The following ASTN2 variants were observed in gnomAD, a reference collection of about 807,000 sequenced individuals.
The protein encoded by ASTN2 is astrotactin-2.
Under a neutral mutation model 139.8 loss-of-function variants are expected in ASTN2, and 54 were observed. The ratio of observed to expected loss-of-function variants is 0.39; its 90% CI spans 0.31 to 0.48. The LOEUF (loss-of-function observed/expected upper bound fraction) is 0.48. Among genes scored for constraint, ASTN2 ranks in the 20% least tolerant of loss-of-function variants. The probability of loss-of-function intolerance (pLI) is 0.95; values close to 1 mark genes in which losing one functional copy is unlikely to be tolerated. For synonymous variants in ASTN2, 756 were observed against 719.5 expected, an observed-to-expected ratio of 1.05 and a Z score of -0.81; for missense variants, 1,565 against 1,725.1, an observed-to-expected ratio of 0.91 and a Z score of 1.64.
rs1451623638 is a variant in ASTN2 at position 116,889,651 on chromosome 9, C to CGAGGCAGAAGGATCACTT, written c.1890-25936_1890-25919dup. Among the ~76,000 whole-genome samples, 27 of 150,870 alleles carry CGAGGCAGAAGGATCACTT rather than the reference C, an allele frequency of 1.8e-4. No individual in the cohort carries two copies. In the East Asian group the frequency reaches 4.7e-3, roughly 26 times the overall value. On this transcript the variant is annotated intron_variant, in intron 10 of 22. Transcript: ENST00000313400. ...CTGTAATCCTAGCACTTTGTGAGGC[C>CGAGGCAGAAGGATCACTT]GAGGCAGAAGGATCACTTGAGCCAA...
intron 19 of ASTN2, among the ~76,000 whole-genome samples, chr9:116,575,691 G>A (rs1380357178): frequency 6.6e-6 from 1 of 152,038 alleles, no homozygotes; most frequent in Non-Finnish European, 1.5e-5. Context: ...AAGTTCAGGG[G>A]GTGCTGACTA....
chr9:117,290,867 C>A (rs1478336864), intron 2 of ASTN2, among the ~76,000 whole-genome samples: 1 of 152,172 alleles, frequency 6.6e-6, no homozygotes, highest in African/African-American at 2.4e-5. Context: ...ACAAGGGCCA[C>A]CATGCAGTTG....
At chr9:116,836,575 T>TGTTTC (rs1832000262) in intron 11 of ASTN2, among the ~76,000 whole-genome samples, 1 of 61,542 alleles carries the variant, frequency 1.6e-5, no homozygotes, top group African/African-American at 5.4e-5. Context: ...AGAGCAGTTT[T>TGTTTC]GTTTTGTTTT....
At chr9:116,832,539 AT>A (rs913617331) in intron 11 of ASTN2, among the ~76,000 whole-genome samples, 29 of 148,204 alleles carry the variant, frequency 2.0e-4, no homozygotes, top group South Asian at 2.1e-4. Flanking sequence ...TTCTATTCTT[AT>A]TTTTTTTTTG....
intron 5 of ASTN2, among the ~76,000 whole-genome samples, chr9:117,090,304 C>G (rs1828674078): frequency 6.6e-6 from 1 of 152,144 alleles, no homozygotes. Context: ...GGAAATCCCA[C>G]CAGACACGCA....
chr9:116,976,086 T>C, intron 9 of ASTN2, 28 bp downstream of exon 9: 1 of 1,607,704 alleles, frequency 6.2e-7, no homozygotes, highest in Non-Finnish European at 8.5e-7. Flanking sequence ...TTTCCCAGAA[T>C]TATGCCCCAA....
At chr9:116,706,760 A>ATTTTTTTTTT (rs60395133) in intron 16 of ASTN2, among the ~76,000 whole-genome samples, 7 of 88,048 alleles carry the variant, frequency 8.0e-5, no homozygotes, top group East Asian at 3.1e-4. Context: ...GCTGGCTAGA[A>ATTTTTTTTTT]TTTTTTTTTT....
At chr9:116,557,168 G>C (rs1212834742) in intron 19 of ASTN2, among the ~76,000 whole-genome samples, 1 of 137,528 alleles carries the variant, frequency 7.3e-6, no homozygotes, top group South Asian at 2.4e-4. Flanking sequence ...AACTTGCAGT[G>C]AGCTGATATC....
At chr9:117,047,002 C>T (rs1457691837) in intron 5 of ASTN2, among the ~76,000 whole-genome samples, 3 of 152,246 alleles carry the variant, frequency 2.0e-5, no homozygotes, top group South Asian at 2.1e-4. Flanking sequence ...TTGCAGAGGC[C>T]GCCAATCTGC....
At chr9:116,462,673 T>C (rs1047672408) in intron 20 of ASTN2, among the ~76,000 whole-genome samples, 6 of 152,088 alleles carry the variant, frequency 3.9e-5, no homozygotes, top group African/African-American at 1.2e-4. Flanking sequence ...GGTGATAATA[T>C]AGGAACGATG....
In ASTN2 at chr9:116,425,563, G is replaced by C; in HGVS notation, c.*288C>G. On this transcript the variant is annotated 3_prime_UTR_variant, in exon 23 of 23. Coordinates refer to ENST00000313400, the MANE Select transcript of ASTN2 (RefSeq NM_001365068.1). Reference sequence around the variant, plus strand: ...CTCCACCTGAAAACTTCTGCCTCGGGATTGACAGCCATCCATAAGAAAAGG... The same window carrying C: ...CTCCACCTGAAAACTTCTGCCTCGGCATTGACAGCCATCCATAAGAAAAGG... 6.2e-7 allele frequency: 1 copy of C among 1,613,128 alleles called. No individual in the cohort carries two copies. The highest frequency in any genetic ancestry group is 1.1e-5 in the South Asian group (1 of 90,800).
chr9:117,369,235 A>G (rs930070977), intron 1 of ASTN2, among the ~76,000 whole-genome samples: 1 of 152,124 alleles, frequency 6.6e-6, no homozygotes, highest in Non-Finnish European at 1.5e-5. Flanking sequence ...CTTGGGAAAT[A>G]AGCCTCCATG....
intron 7 of ASTN2, among the ~76,000 whole-genome samples, chr9:116,995,538 T>A (rs1462064103): frequency 6.6e-6 from 1 of 152,176 alleles, no homozygotes; most frequent in Non-Finnish European, 1.5e-5. Flanking sequence ...GCAGACACAA[T>A]CTTTGCCTTT....
chr9:116,786,840 A>G (rs1255039401), intron 13 of ASTN2, among the ~76,000 whole-genome samples: 2 of 152,174 alleles, frequency 1.3e-5, no homozygotes, highest in African/African-American at 4.8e-5. Context: ...TAATTGAGTC[A>G]TGGGTCCTGG....
chr9:116,703,404 G>A (rs1407934762), intron 16 of ASTN2, among the ~76,000 whole-genome samples: 3 of 151,782 alleles, frequency 2.0e-5, no homozygotes, highest in East Asian at 1.9e-4. Context: ...AGTAGGTTGC[G>A]AAAATTTTCT....
At chr9:116,957,938 C>A (rs1484737845) in intron 10 of ASTN2, among the ~76,000 whole-genome samples, 1 of 152,150 alleles carries the variant, frequency 6.6e-6, no homozygotes, top group Non-Finnish European at 1.5e-5. Context: ...CTTGGCCTCC[C>A]AAAATACTGG....
intron 17 of ASTN2, among the ~76,000 whole-genome samples, chr9:116,648,162 C>T (rs1857704040): frequency 6.6e-6 from 1 of 152,018 alleles, no homozygotes; most frequent in African/African-American, 2.4e-5. Flanking sequence ...CCACCACACC[C>T]AACTAAGTTT....
intron 16 of ASTN2, among the ~76,000 whole-genome samples, chr9:116,702,765 A>G (rs1352177620): frequency 2.0e-5 from 3 of 152,146 alleles, no homozygotes; most frequent in African/African-American, 7.2e-5. Context: ...TCCTCCCTTT[A>G]TCATTCTGAG....
chr9:116,767,700 G>A (rs1829846464), intron 13 of ASTN2, among the ~76,000 whole-genome samples: 1 of 152,150 alleles, frequency 6.6e-6, no homozygotes, highest in African/African-American at 2.4e-5. Flanking sequence ...TAACCTCTTG[G>A]TGTACTATGC....
Sources: allele counts gnomAD v4.1 joint callset (sites outside exome capture counted in the v4.1 genomes callset), GRCh38; gene constraint gnomAD v4.1.1; transcripts MANE v1.5; gene names NCBI Gene and HGNC (gene_info 2026-07-23, HGNC 2026-07-21).